DZANK1: variants seen among roughly 807,000 people sequenced by gnomAD.
The protein encoded by DZANK1 is double zinc ribbon and ankyrin repeat domains 1.
A neutral mutation model predicts 94.5 loss-of-function variants in DZANK1; 91 were observed. The ratio of observed to expected loss-of-function variants is 0.96; its 90% CI spans 0.81 to 1.15. The LOEUF (loss-of-function observed/expected upper bound fraction) is 1.15, where lower values mean the gene tolerates loss of function less well. Ranked by LOEUF, DZANK1 falls within the 50% of genes most tolerant of loss-of-function variation. The probability of loss-of-function intolerance (pLI) is 0.00; values close to 1 mark genes in which losing one functional copy is unlikely to be tolerated. For missense variants in DZANK1, 903 were observed against 916.4 expected, an observed-to-expected ratio of 0.99 and a Z score of 0.19; for synonymous variants, 312 against 325.3, an observed-to-expected ratio of 0.96 and a Z score of 0.44.
chr20:18,401,940 GT>G, intron 13 of DZANK1, among the ~76,000 whole-genome samples: 1 of 152,336 alleles, frequency 6.6e-6, no homozygotes, highest in African/African-American at 2.4e-5. Context: ...CAGGAGGGAT[GT>G]GAGGAGTGAT....
exon 9 of DZANK1, chr20:18,433,732 G>A (rs779822142): frequency 3.7e-6 from 6 of 1,614,040 alleles, no homozygotes; most frequent in Non-Finnish European, 5.1e-6. Flanking sequence ...GTGTTCATGG[G>A]TACCAAGCTT....
intron 10 of DZANK1, 28 bp downstream of exon 10, chr20:18,427,039 A>G: frequency 6.6e-7 from 1 of 1,521,670 alleles, no homozygotes; most frequent in East Asian, 2.3e-5. Flanking sequence ...GCCACTAAAT[A>G]TAGGATTGGC....
Position 18,390,373 on chromosome 20 carries a change from ACTTAC to A in DZANK1, c.1890+1_1890+5del. ...CAGAGAGACTGGCTCCTTTGGCAAC[ACTTAC>A]CTCATCCAGCAGCTGTTCAATCACA... On this transcript the variant is annotated splice_donor_variant and splice_donor_5th_base_variant and intron_variant, in intron 18 of 20. Transcript: ENST00000262547. LOFTEE classifies it high-confidence loss of function. 6.2e-7 allele frequency: 1 copy of A among 1,613,862 alleles called. No homozygotes were observed. Among genetic ancestry groups the A allele is most frequent in the South Asian group, 1.1e-5 (1 of 91,078 alleles).
chr20:18,426,999 T>C, intron 10 of DZANK1, 68 bp downstream of exon 10: 1 of 1,201,426 alleles, frequency 8.3e-7, no homozygotes, highest in Non-Finnish European at 1.2e-6. Flanking sequence ...CAGATTCTGT[T>C]TCTCTATTAT....
intron 3 of DZANK1, among the ~76,000 whole-genome samples, chr20:18,458,501 C>T (rs2059366002): frequency 6.6e-6 from 1 of 152,182 alleles, no homozygotes; most frequent in Non-Finnish European, 1.5e-5. Context: ...AGAAAGTTAG[C>T]TTAAAACTTC....
At chr20:18,396,743 T>G (rs2056365440) in intron 14 of DZANK1, among the ~76,000 whole-genome samples, 197 bp from the exon 15 acceptor site, 1 of 152,084 alleles carries the variant, frequency 6.6e-6, no homozygotes, top group African/African-American at 2.4e-5. Context: ...AAATGGCAGA[T>G]CCAAATCCAA....
chr20:18,409,116 C>T (rs568456103), intron 13 of DZANK1, among the ~76,000 whole-genome samples: 20 of 152,168 alleles, frequency 1.3e-4, no homozygotes, highest in African/African-American at 3.4e-4. Context: ...AAATATCTCA[C>T]GTACCCCATA....
chr20:18,462,728 G>T (rs141654119), intron 2 of DZANK1, among the ~76,000 whole-genome samples: 2,761 of 152,116 alleles, frequency 0.018, 87 homozygotes, highest in African/African-American at 0.063. Flanking sequence ...GGGCGCGGTG[G>T]TTCACATCTG....
intron 10 of DZANK1, chr20:18,420,810 T>G (rs1189321801): frequency 1.2e-5 from 2 of 172,188 alleles, no homozygotes; most frequent in Non-Finnish European, 2.6e-5. Context: ...AAACATGTAT[T>G]AAGTACTTCC....
At chr20:18,397,807 C>A (rs2056431818) in intron 14 of DZANK1, among the ~76,000 whole-genome samples, 1 of 152,162 alleles carries the variant, frequency 6.6e-6, no homozygotes, top group Non-Finnish European at 1.5e-5. Flanking sequence ...AGCTGGCGCA[C>A]CTACATGCGG....
intron 15 of DZANK1, chr20:18,394,601 CTCACATTGGGACCA>C (rs1436638407): frequency 3.0e-6 from 2 of 659,440 alleles, no homozygotes. Flanking sequence ...GCCCCCTCGT[CTCACATTGGGACCA>C]TCACAATAGC....
At chr20:18,421,890 C>T (rs1420224003) in intron 10 of DZANK1, among the ~76,000 whole-genome samples, 2 of 152,072 alleles carry the variant, frequency 1.3e-5, no homozygotes, top group African/African-American at 4.8e-5. Context: ...CTCCCTTTGC[C>T]CATTTTTAAT....
intron 2 of DZANK1, among the ~76,000 whole-genome samples, chr20:18,462,648 G>C (rs1324890749): frequency 6.6e-6 from 1 of 152,168 alleles, no homozygotes; most frequent in African/African-American, 2.4e-5. Context: ...ACTATTGGCA[G>C]GGATGTAAGT....
intron 10 of DZANK1, among the ~76,000 whole-genome samples, chr20:18,418,482 T>A (rs775768067): frequency 1.3e-5 from 2 of 152,204 alleles, no homozygotes; most frequent in Admixed American, 6.5e-5. Context: ...CTGTCCCTCC[T>A]CCCCTCAAAT....
intron 10 of DZANK1, among the ~76,000 whole-genome samples, chr20:18,422,523 A>G (rs1272671072): frequency 6.6e-6 from 1 of 152,222 alleles, no homozygotes; most frequent in African/African-American, 2.4e-5. Flanking sequence ...GTCACAGTTG[A>G]AATGCAGTCA....
At chr20:18,395,983 AATTG>A (rs1285289028) in intron 15 of DZANK1, among the ~76,000 whole-genome samples, 6 of 152,170 alleles carry the variant, frequency 3.9e-5, no homozygotes, top group Non-Finnish European at 5.9e-5. Flanking sequence ...TTGGCTTCTC[AATTG>A]ATTGATTAAT....
intron 5 of DZANK1, among the ~76,000 whole-genome samples, chr20:18,453,176 C>T (rs867878394): frequency 6.6e-6 from 1 of 152,160 alleles, no homozygotes; most frequent in Non-Finnish European, 1.5e-5. Flanking sequence ...TCAGTAAGAA[C>T]GAAACATTCA....
chr20:18,430,058 T>TTAAG (rs2058220740), intron 9 of DZANK1, among the ~76,000 whole-genome samples: 1 of 152,208 alleles, frequency 6.6e-6, no homozygotes, highest in Admixed American at 6.5e-5. Context: ...ACAGAGCCAC[T>TTAAG]TAGTCACTGG....
intron 13 of DZANK1, among the ~76,000 whole-genome samples, chr20:18,407,396 T>C (rs2057017478): frequency 1.3e-5 from 2 of 152,222 alleles, no homozygotes; most frequent in African/African-American, 4.8e-5. Flanking sequence ...CACAGTGTTA[T>C]GGGGCTTGGG....
Sources: gnomAD v4.1 joint callset for allele counts (sites outside exome capture counted in the v4.1 genomes callset) on GRCh38, gnomAD v4.1.1 for gene constraint, MANE v1.5 for transcripts, NCBI Gene and HGNC (gene_info 2026-07-23, HGNC 2026-07-21) for gene names.